SORD: variants seen among roughly 807,000 people sequenced by gnomAD.
SORD encodes the protein (R,R)-butanediol dehydrogenase.
Under a neutral mutation model 35.6 loss-of-function variants are expected in SORD, and 18 were observed. The observed-to-expected ratio is 0.51, with a 90% CI of 0.35 to 0.75. The LOEUF (loss-of-function observed/expected upper bound fraction) is 0.75. Among genes scored for constraint, SORD ranks in the 30% least tolerant of loss-of-function variants. The pLI is 0.01. For missense variants in SORD, 250 were observed against 390.2 expected, an observed-to-expected ratio of 0.64 and a Z score of 3.03; for synonymous variants, 106 against 152.9, an observed-to-expected ratio of 0.69 and a Z score of 2.26.
At chr15:45,053,805 C>G (rs1191466963) in intron 3 of SORD, among the ~76,000 whole-genome samples, 1 of 141,718 alleles carries the variant, frequency 7.1e-6, no homozygotes, top group Non-Finnish European at 1.5e-5. Flanking sequence ...TCCCCCCACC[C>G]CACCACAGTC....
intron 3 of SORD, among the ~76,000 whole-genome samples, chr15:45,060,487 C>T (rs1893284699): frequency 6.6e-6 from 1 of 152,156 alleles, no homozygotes; most frequent in African/African-American, 2.4e-5. Flanking sequence ...GTACCAGAGT[C>T]CTCTGCAGGT....
At chr15:45,068,442 T>TGAGA (rs145998153) in intron 6 of SORD, among the ~76,000 whole-genome samples, 196 bp downstream of exon 6, 45 of 149,704 alleles carry the variant, frequency 3.0e-4, no homozygotes, top group African/African-American at 1.1e-3. Context: ...AGAGTTTGTG[T>TGAGA]GAGAGAGTGT....
At chr15:45,029,545 T>A (rs1892736654) in intron 1 of SORD, among the ~76,000 whole-genome samples, 1 of 152,260 alleles carries the variant, frequency 6.6e-6, no homozygotes, top group South Asian at 2.1e-4. Flanking sequence ...AGAGGGGCTG[T>A]TACAGTGCTC....
At chr15:45,026,901 G>T (rs1347508331) in intron 1 of SORD, among the ~76,000 whole-genome samples, 1 of 152,176 alleles carries the variant, frequency 6.6e-6, no homozygotes, top group South Asian at 2.1e-4. Context: ...TCCTTTAACT[G>T]GCAGGAAGGA....
chr15:45,037,568 C>G (rs530307850), intron 1 of SORD, among the ~76,000 whole-genome samples: 2 of 152,244 alleles, frequency 1.3e-5, no homozygotes, highest in East Asian at 3.9e-4. Context: ...AGACCTTAGT[C>G]TTTAGTTTCA....
chr15:45,046,091 T>G (rs1299215550), intron 3 of SORD, among the ~76,000 whole-genome samples: 1 of 151,774 alleles, frequency 6.6e-6, no homozygotes, highest in Non-Finnish European at 1.5e-5. Flanking sequence ...AAGGTAAAAC[T>G]GAATAATATG....
chr15:45,061,949 G>A (rs1038316510), intron 4 of SORD, among the ~76,000 whole-genome samples: 1 of 152,298 alleles, frequency 6.6e-6, no homozygotes, highest in Admixed American at 6.5e-5. Flanking sequence ...CTGAGGTGTG[G>A]TGTGCTGCCA....
intron 5 of SORD, among the ~76,000 whole-genome samples, chr15:45,066,620 A>G (rs1006082351): frequency 2.0e-5 from 3 of 152,220 alleles, no homozygotes; most frequent in African/African-American, 7.2e-5. Context: ...GTTTCAAGCC[A>G]TCTGGAACAG....
At chr15:45,028,438 C>A (rs77409939) in intron 1 of SORD, among the ~76,000 whole-genome samples, 3,849 of 150,188 alleles carry the variant, frequency 0.026, no homozygotes, top group African/African-American at 0.038. Flanking sequence ...CACTTTATCT[C>A]CCTTCTTCCT....
chr15:45,051,775 A>G (rs1284241960), intron 3 of SORD, among the ~76,000 whole-genome samples: 3 of 152,226 alleles, frequency 2.0e-5, no homozygotes, highest in Admixed American at 2.0e-4. Flanking sequence ...ACCCAGTTTG[A>G]TCATGAGGTG....
chr15:45,069,194 CTTTTTTTTTTTT>C lies in SORD; in HGVS notation c.786+161_786+172del, dbSNP rs752540495. 275 of 116,996 alleles carry C rather than the reference CTTTTTTTTTTTT, an allele frequency of 2.4e-3. 8 individuals carry two copies. The highest frequency in any genetic ancestry group is 9.0e-3 in the Middle Eastern group (2 of 222). The allele number at this position is 116,996 out of a possible 1,614,324, so 7.2% of individuals were successfully genotyped here. A position where few individuals can be genotyped will look rare whatever the true frequency, so the allele number is the denominator to read the frequency against. ...CTTTTGCCATCTATGTTTTCTTTTT[CTTTTTTTTTTTT>C]TTTTTTTTTTTTTTTTTTGAGACAG... is the stretch of plus-strand genomic sequence containing the variant. On this transcript the variant is annotated intron_variant, in intron 7 of 8. Transcript: ENST00000267814.
intron 1 of SORD, among the ~76,000 whole-genome samples, chr15:45,030,174 T>C (rs1208877828): frequency 6.6e-6 from 1 of 152,208 alleles, no homozygotes; most frequent in Non-Finnish European, 1.5e-5. Context: ...TTTCACTGGG[T>C]ACCCACCCCT....
rs1395044218 is a variant in SORD at position 45,030,295 on chromosome 15, G to A, written c.66+6946G>A. ...CATAAAAGCAGCCCTATTCTAAGGG[G>A]AGACCCTAGAATTATGGATGTAGGG... On this transcript the variant is annotated intron_variant, in intron 1 of 8. Coordinates refer to ENST00000267814, the MANE Select transcript of SORD (RefSeq NM_003104.6). 3.3e-5 allele frequency among the ~76,000 whole-genome samples: 5 copies of A among 152,328 alleles called. No homozygotes were observed. The East Asian group carries it at 7.7e-4, about 23-fold the overall frequency.
chr15:45,073,024 T>C (rs1188324652), intron 8 of SORD, among the ~76,000 whole-genome samples: 2 of 134,606 alleles, frequency 1.5e-5, no homozygotes, highest in African/African-American at 3.8e-5. Flanking sequence ...TGTTAGTGGG[T>C]GTGACTGGAT....
chr15:45,063,439 A>G (rs1297642675), intron 4 of SORD, among the ~76,000 whole-genome samples: 1 of 151,040 alleles, frequency 6.6e-6, no homozygotes, highest in African/African-American at 2.4e-5. Flanking sequence ...TTCTCCATCA[A>G]CCCCCACTGG....
chr15:45,057,029 G>A (rs1893229348), intron 3 of SORD, among the ~76,000 whole-genome samples: 1 of 152,210 alleles, frequency 6.6e-6, no homozygotes, highest in Non-Finnish European at 1.5e-5. Flanking sequence ...CCTTTAGACA[G>A]TCGTAACCCA....
At chr15:45,037,962 TAA>T (rs11307522) in intron 1 of SORD, among the ~76,000 whole-genome samples, 1,691 of 136,174 alleles carry the variant, frequency 0.012, 28 homozygotes, top group African/African-American at 0.043. Context: ...GAACTTAAAG[TAA>T]AAAAAAAAAA....
intron 3 of SORD, among the ~76,000 whole-genome samples, chr15:45,056,606 T>A (rs1233922777): frequency 6.6e-6 from 1 of 152,238 alleles, no homozygotes; most frequent in Non-Finnish European, 1.5e-5. Flanking sequence ...ATTTCCCATG[T>A]GGTTTTTATG....
rs75939271 is a variant in SORD, at chr15:45,023,967, G to C, written c.66+618G>C. ...ACTTGTGGATCTTGATAGCTCCCTT[G>C]TCTGTAAGGATCCTTCTCTCCCTAA... On this transcript the variant is annotated intron_variant, in intron 1 of 8. Transcript: ENST00000267814. 7.4e-4 allele frequency among the ~76,000 whole-genome samples: 112 copies of C among 152,272 alleles called. 1 individual carries two copies. The East Asian group carries it at 0.02, about 27-fold the overall frequency.
Sources: allele counts gnomAD v4.1 joint callset (sites outside exome capture counted in the v4.1 genomes callset), GRCh38; gene constraint gnomAD v4.1.1; transcripts MANE v1.5; gene names NCBI Gene and HGNC (gene_info 2026-07-23, HGNC 2026-07-21).